The following SYNE1 variants were observed in gnomAD, a reference collection of about 807,000 sequenced individuals.
SYNE1 encodes nesprin-1.
SYNE1 carries 616 observed loss-of-function variants against 1,111.0 expected under a neutral mutation model. The observed-to-expected ratio is 0.55, with a 90% CI of 0.52 to 0.59. The LOEUF is 0.59. SYNE1 is among the 20% of genes least tolerant of loss of function. SYNE1 has a pLI of 0.00. For missense variants in SYNE1, 10,006 were observed against 10,417.0 expected (o/e 0.96, Z 1.72); for synonymous variants, 3,855 against 3,825.8 (o/e 1.01, Z -0.28).
intron 28 of SYNE1, 135 bp downstream of exon 28, chr6:152,449,398 G>C: frequency 1.4e-6 from 1 of 715,562 alleles, no homozygotes; most frequent in South Asian, 1.6e-5. Flanking sequence ...TAATATAAGG[G>C]GACTTATTTT....
Position 152,330,687 on chromosome 6 carries a change from G to A in SYNE1, c.13998C>T (p.Val4666=), listed in dbSNP as rs777728708. Residue 4666 remains valine, a synonymous_variant, in exon 78 of 146, where the codon GTC becomes GTT. Transcript: ENST00000367255. ...CCTTCCGAGCAAGAATTGCTTCCTG[G>A]ACTTTATAGAACTTGTCTTTAGCCA... ...VALAKDKFYK[V]QEAILARKEY... 2 of 1,613,820 alleles carry A rather than the reference G, an allele frequency of 1.2e-6. No homozygotes were observed. The highest frequency in any genetic ancestry group is 1.7e-6 in the Non-Finnish European group (2 of 1,180,032).
At chr6:152,399,851 A>T in intron 47 of SYNE1, 28 bp from the exon 48 acceptor site, 1 of 1,596,872 alleles carries the variant, frequency 6.3e-7, no homozygotes, top group Non-Finnish European at 8.6e-7. Context: ...ATTATGAAGG[A>T]TATTCATAAC....
chr6:152,209,110 G>A (rs1369895090), intron 124 of SYNE1, among the ~76,000 whole-genome samples: 5 of 152,140 alleles, frequency 3.3e-5, no homozygotes, highest in Admixed American at 2.6e-4. Flanking sequence ...CACCTAAAGT[G>A]CAAGTAATGT....
chr6:152,245,343 C>T (rs1177263737), intron 105 of SYNE1, among the ~76,000 whole-genome samples: 3 of 152,076 alleles, frequency 2.0e-5, no homozygotes, highest in African/African-American at 4.8e-5. Flanking sequence ...GCAACTCATC[C>T]CCATTAGCAG....
At chr6:152,373,343 G>A (rs778615806) in intron 58 of SYNE1, 124 bp from the exon 59 acceptor site, 61 of 870,528 alleles carry the variant, frequency 7.0e-5, no homozygotes, top group Non-Finnish European at 1.0e-4. Context: ...GCAGTAGTGC[G>A]ATCTCGGCTC....
chr6:152,213,882 T>A, intron 122 of SYNE1, 123 bp from the exon 123 acceptor site: 1 of 1,366,686 alleles, frequency 7.3e-7, no homozygotes, highest in Non-Finnish European at 1.0e-6. Context: ...AAAGCTTTCA[T>A]GTCAGGTGGT....
intron 54 of SYNE1, 119 bp from the exon 55 acceptor site, chr6:152,385,957 T>C: frequency 1.1e-6 from 1 of 944,358 alleles, no homozygotes; most frequent in South Asian, 1.5e-5. Context: ...TTCTTGTTCT[T>C]GAATTTTCTC....
intron 98 of SYNE1, among the ~76,000 whole-genome samples, chr6:152,273,406 GT>G (rs971708889): frequency 6.6e-5 from 10 of 151,772 alleles, no homozygotes; most frequent in East Asian, 5.8e-4. Flanking sequence ...AATCCTCACT[GT>G]TTTTTTTCTT....
chr6:152,217,601 G>A (rs954690102), intron 121 of SYNE1, among the ~76,000 whole-genome samples: 1 of 152,070 alleles, frequency 6.6e-6, no homozygotes, highest in Non-Finnish European at 1.5e-5. Flanking sequence ...CAGATCTGTG[G>A]GAGGCGGCTG....
intron 131 of SYNE1, among the ~76,000 whole-genome samples, chr6:152,160,817 T>G (rs2062327009): frequency 6.6e-6 from 1 of 152,146 alleles, no homozygotes; most frequent in Non-Finnish European, 1.5e-5. Flanking sequence ...TGGAAACCTT[T>G]AGGATCTCCT....
At chr6:152,563,837 C>G (rs1035448284) in intron 3 of SYNE1, among the ~76,000 whole-genome samples, 1 of 152,064 alleles carries the variant, frequency 6.6e-6, no homozygotes, top group African/African-American at 2.4e-5. Context: ...GTTCTTTGAA[C>G]TTTCTGGAAT....
chr6:152,211,010 G>C (rs1459533735), intron 124 of SYNE1, among the ~76,000 whole-genome samples: 1 of 152,156 alleles, frequency 6.6e-6, no homozygotes, highest in Non-Finnish European at 1.5e-5. Context: ...ATGAGCTCCA[G>C]GCCTGATTCT....
At chr6:152,366,192 C>T (rs984010867) in intron 62 of SYNE1, among the ~76,000 whole-genome samples, 9 of 151,792 alleles carry the variant, frequency 5.9e-5, no homozygotes, top group Non-Finnish European at 1.0e-4. Flanking sequence ...ATTAGCCAGG[C>T]GTGGTGGTGC....
At chr6:152,523,174 T>C (rs1285333045) in intron 5 of SYNE1, among the ~76,000 whole-genome samples, 1 of 152,030 alleles carries the variant, frequency 6.6e-6, no homozygotes, top group Non-Finnish European at 1.5e-5. Context: ...CTAGAATTTG[T>C]ATGGGGTTTC....
At chr6:152,234,231 A>T (rs1202965735) in intron 111 of SYNE1, among the ~76,000 whole-genome samples, 1 of 152,140 alleles carries the variant, frequency 6.6e-6, no homozygotes, top group Non-Finnish European at 1.5e-5. Flanking sequence ...AGTCAACATT[A>T]ATATATTCTC....
intron 14 of SYNE1, among the ~76,000 whole-genome samples, chr6:152,479,424 A>G (rs181126261): frequency 6.6e-6 from 1 of 152,326 alleles, no homozygotes; most frequent in African/African-American, 2.4e-5. Context: ...TGCCAAATCA[A>G]TACTAAGAAT....
At chr6:152,317,135 C>T in intron 86 of SYNE1, 149 bp from the exon 87 acceptor site, 1 of 912,700 alleles carries the variant, frequency 1.1e-6, no homozygotes, top group Non-Finnish European at 1.7e-6. Flanking sequence ...GATCGTTTCC[C>T]TGTTAAAATC....
intron 3 of SYNE1, among the ~76,000 whole-genome samples, chr6:152,564,475 C>T (rs1356686356): frequency 2.6e-5 from 4 of 152,092 alleles, no homozygotes; most frequent in Non-Finnish European, 5.9e-5. Context: ...TGCCACCACA[C>T]CTGGCTAATT....
At chr6:152,508,974 T>A (rs1052578249) in intron 8 of SYNE1, among the ~76,000 whole-genome samples, 1 of 152,204 alleles carries the variant, frequency 6.6e-6, no homozygotes, top group Non-Finnish European at 1.5e-5. Context: ...GAACTCCCTA[T>A]GTTTAGTACC....
Sources: allele counts gnomAD v4.1 joint callset (sites outside exome capture counted in the v4.1 genomes callset), GRCh38; gene constraint gnomAD v4.1.1; transcripts MANE v1.5; gene names NCBI Gene and HGNC (gene_info 2026-07-23, HGNC 2026-07-21).